ARMH3: variants seen among roughly 807,000 people sequenced by gnomAD.
ARMH3 encodes armadillo-like helical domain-containing protein 3.
Under a neutral mutation model 99.1 loss-of-function variants are expected in ARMH3, and 60 were observed. That is an observed-to-expected ratio of 0.61 (90% CI 0.49 to 0.75). The LOEUF (loss-of-function observed/expected upper bound fraction) is 0.75, where lower values mean the gene tolerates loss of function less well. Among genes scored for constraint, ARMH3 ranks in the 30% least tolerant of loss-of-function variants. ARMH3 has a pLI of 0.00. For synonymous variants in ARMH3, 285 were observed against 292.8 expected (o/e 0.97, Z 0.27); for missense variants, 679 against 843.1 (o/e 0.81, Z 2.41).
intron 20 of ARMH3, among the ~76,000 whole-genome samples, chr10:101,964,403 A>G (rs1316955066): frequency 6.6e-6 from 1 of 152,230 alleles, no homozygotes; most frequent in Non-Finnish European, 1.5e-5. Context: ...AAGCGATTGC[A>G]GGAACTCAAA....
At chr10:102,026,942 T>C (rs2067012980) in intron 5 of ARMH3, among the ~76,000 whole-genome samples, 1 of 152,198 alleles carries the variant, frequency 6.6e-6, no homozygotes, top group Admixed American at 6.5e-5. Flanking sequence ...CCTCAGTGCC[T>C]ACCACAGTAC....
chr10:101,992,613 A>C (rs1846855087), intron 17 of ARMH3, among the ~76,000 whole-genome samples: 1 of 151,382 alleles, frequency 6.6e-6, no homozygotes, highest in Non-Finnish European at 1.5e-5. Context: ...CTCCTGACTC[A>C]GCCTCTTGAG....
In ARMH3 at chr10:101,944,273, T is replaced by TAG. The variant is rs55633048; in HGVS notation, c.1706-4337_1706-4336dup. ...ATATATATATATATATATATATATATAGAGAGAGAGAGAGAGAGAGAGAGA... is the reference window on the plus strand; with the variant it reads ...ATATATATATATATATATATATATATAGAGAGAGAGAGAGAGAGAGAGAGAGA... On this transcript the variant is annotated intron_variant, in intron 22 of 25. Coordinates refer to ENST00000370033, the MANE Select transcript of ARMH3 (RefSeq NM_024541.3). Among the ~76,000 whole-genome samples, 96 of 25,408 alleles carry TAG rather than the reference T, an allele frequency of 3.8e-3. 4 individuals are homozygous for TAG. Among genetic ancestry groups the TAG allele is most frequent in the Middle Eastern group, 0.05 (2 of 40 alleles). The allele number at this position is 25,408 out of a possible 152,430, so 16.7% of individuals were successfully genotyped here. A position where few individuals can be genotyped will look rare whatever the true frequency, so the allele number is the denominator to read the frequency against.
intron 14 of ARMH3, 76 bp downstream of exon 14, chr10:102,006,464 G>T: frequency 6.7e-7 from 1 of 1,498,902 alleles, no homozygotes; most frequent in Non-Finnish European, 9.3e-7. Context: ...TAGGTTCTTT[G>T]TTGAACACAG....
chr10:102,003,787 A>T (rs1178810648), intron 14 of ARMH3, among the ~76,000 whole-genome samples: 1 of 152,256 alleles, frequency 6.6e-6, no homozygotes, highest in Non-Finnish European at 1.5e-5. Context: ...AGCACAACAA[A>T]AAGCCTTATG....
intron 19 of ARMH3, among the ~76,000 whole-genome samples, chr10:101,984,974 C>T (rs1846398782): frequency 6.6e-6 from 1 of 151,304 alleles, no homozygotes; most frequent in South Asian, 2.1e-4. Context: ...GAGGTTGAGG[C>T]AGAGAATTGC....
Position 101,847,259 on chromosome 10 carries a change from G to C in ARMH3, c.*269C>G. On this transcript the variant is annotated 3_prime_UTR_variant, in exon 26 of 26. Transcript: ENST00000370033. The stretch of plus-strand genomic sequence containing the variant: ...AACCTCAAGATTGGAAATGTGAGGG[G>C]CTGTTTAGGGAGCCCACTCTGGAAG... 1 of 398,696 alleles carries C rather than the reference G, an allele frequency of 2.5e-6. No homozygotes were observed. Among genetic ancestry groups the C allele is most frequent in the Non-Finnish European group, 4.6e-6 (1 of 215,128 alleles). 24.7% of individuals were successfully genotyped at this position (398,696 alleles called of 1,614,324 possible).
chr10:102,025,093 A>C (rs2066972067), intron 6 of ARMH3, 63 bp downstream of exon 6: 1 of 1,338,956 alleles, frequency 7.5e-7, no homozygotes, highest in African/African-American at 1.4e-5. Flanking sequence ...CTTTGGGCTC[A>C]AGTATTCAAA....
chr10:101,975,528 C>T (rs1845956765), intron 19 of ARMH3, among the ~76,000 whole-genome samples: 1 of 151,956 alleles, frequency 6.6e-6, no homozygotes, highest in African/African-American at 2.4e-5. Flanking sequence ...GCTAGGAGTT[C>T]AAGACCAGCC....
At chr10:101,941,291 T>C (rs1234855298) in intron 22 of ARMH3, among the ~76,000 whole-genome samples, 3 of 152,208 alleles carry the variant, frequency 2.0e-5, no homozygotes, top group Non-Finnish European at 4.4e-5. Context: ...ATAAAGCTCT[T>C]AGATTAGTGC....
chr10:101,882,351 C>T (rs1564716953), intron 24 of ARMH3, among the ~76,000 whole-genome samples: 1 of 152,160 alleles, frequency 6.6e-6, no homozygotes, highest in African/African-American at 2.4e-5. Flanking sequence ...CCCTCTCTTG[C>T]CTATAAGGAA....
At chr10:101,936,768 A>C (rs546916465) in intron 23 of ARMH3, among the ~76,000 whole-genome samples, 5 of 152,346 alleles carry the variant, frequency 3.3e-5, no homozygotes, top group Admixed American at 6.5e-5. Flanking sequence ...GTGTCCATCA[A>C]CGGATGAATG....
At chr10:102,002,439 T>C (rs951074370) in intron 14 of ARMH3, among the ~76,000 whole-genome samples, 3 of 152,178 alleles carry the variant, frequency 2.0e-5, no homozygotes, top group East Asian at 3.9e-4. Context: ...AAGATCTGTA[T>C]TGAATATAAA....
intron 22 of ARMH3, among the ~76,000 whole-genome samples, chr10:101,951,171 T>C (rs1474459320): frequency 6.6e-6 from 1 of 152,226 alleles, no homozygotes. Context: ...TAAATAGATA[T>C]ATTTTGTCAG....
chr10:101,847,517 T>C lies in ARMH3; in HGVS notation c.*11A>G. ...TAAGGGCAGTCAGAGGCTGCTCAGG[T>C]AGGCGTGGCCTCAGGAGATAGTGGA... On this transcript the variant is annotated 3_prime_UTR_variant, in exon 26 of 26. Coordinates refer to ENST00000370033, the MANE Select transcript of ARMH3 (RefSeq NM_024541.3). 6.2e-7 allele frequency: 1 copy of C among 1,612,870 alleles called. No homozygotes were observed. The highest frequency in any genetic ancestry group is 8.5e-7 in the Non-Finnish European group (1 of 1,178,848).
chr10:102,050,318 G>A (rs1040808506), intron 1 of ARMH3, among the ~76,000 whole-genome samples: 1 of 151,302 alleles, frequency 6.6e-6, no homozygotes, highest in African/African-American at 2.4e-5. Context: ...GCGTGGTGGT[G>A]GGCACCTGTA....
intron 23 of ARMH3, 120 bp from the exon 24 acceptor site, chr10:101,889,610 G>C: frequency 1.1e-6 from 1 of 890,000 alleles, no homozygotes; most frequent in Middle Eastern, 2.3e-4. Flanking sequence ...GATTGTGACT[G>C]GGTAACTTCC....
intron 23 of ARMH3, chr10:101,889,737 G>A (rs760474895): frequency 3.9e-4 from 167 of 431,402 alleles, no homozygotes; most frequent in Non-Finnish European, 6.3e-4. Context: ...ATGAACTAAC[G>A]GAAAAAACCC....
chr10:101,901,435 C>A (rs1304570188), intron 23 of ARMH3, among the ~76,000 whole-genome samples: 1 of 152,112 alleles, frequency 6.6e-6, no homozygotes, highest in African/African-American at 2.4e-5. Flanking sequence ...CCATAAAGCC[C>A]ACATCAGTTA....
Sources: gnomAD v4.1 joint callset for allele counts (sites outside exome capture counted in the v4.1 genomes callset) on GRCh38, gnomAD v4.1.1 for gene constraint, MANE v1.5 for transcripts, NCBI Gene and HGNC (gene_info 2026-07-23, HGNC 2026-07-21) for gene names.